ATG9A: variants seen among roughly 807,000 people sequenced by gnomAD.
ATG9A encodes the protein autophagy related 9A.
In ATG9A, 21 loss-of-function variants were observed where a neutral mutation model predicts 87.1. The ratio of observed to expected loss-of-function variants is 0.24; its 90% CI spans 0.17 to 0.35. The LOEUF is 0.35. Ranked by LOEUF, ATG9A falls within the 10% of genes least tolerant of loss-of-function variation. ATG9A has a pLI of 1.00. For missense variants in ATG9A, 836 were observed against 1,107.3 expected (o/e 0.76, Z 3.48); for synonymous variants, 422 against 441.3 (o/e 0.96, Z 0.55).
chr2:219,225,324 T>A, intron 6 of ATG9A, 87 bp downstream of exon 6: 1 of 1,593,218 alleles, frequency 6.3e-7, no homozygotes, highest in Non-Finnish European at 8.6e-7. Context: ...AGTTCTGGAG[T>A]ATGAGTTGCT....
Position 219,226,934 on chromosome 2 carries a change from G to C in ATG9A, c.148-1C>G. ...CATTCTTCTGGTGCAGATTATAAACGTGTAATTGTTAAGAAAAAGTAGTCA... is the reference window on the plus strand; with the variant it reads ...CATTCTTCTGGTGCAGATTATAAACCTGTAATTGTTAAGAAAAAGTAGTCA... On this transcript the variant is annotated splice_acceptor_variant, in intron 4 of 15. Transcript: ENST00000361242. LOFTEE classifies it high-confidence loss of function. 1 of 1,612,686 alleles carries C rather than the reference G, an allele frequency of 6.2e-7. No homozygotes were observed. The highest frequency in any genetic ancestry group is 8.5e-7 in the Non-Finnish European group (1 of 1,178,692).
chr2:219,227,531 C>G (rs188053269), intron 4 of ATG9A, among the ~76,000 whole-genome samples: 113 of 151,988 alleles, frequency 7.4e-4, no homozygotes, highest in African/African-American at 2.7e-3. Context: ...AAAAAGGAGG[C>G]TCACCCTTAG....
At chr2:219,221,375 ATCAG>A in intron 13 of ATG9A, 73 bp from the exon 14 acceptor site, 1 of 1,387,576 alleles carries the variant, frequency 7.2e-7, no homozygotes, top group Non-Finnish European at 9.6e-7. Flanking sequence ...CCAACCTGGT[ATCAG>A]TCAGTTCCCG....
In ATG9A at chr2:219,229,439, C is replaced by A. The variant is rs1220675881; in HGVS notation, c.-82+96G>T. The stretch of plus-strand genomic sequence containing the variant: ...GCCCCGCCGGCGGCGCCCCTTCCTC[C>A]GTTACCCGCCGCGAGCTCACTTAGG... On this transcript the variant is annotated intron_variant, in intron 1 of 15. Coordinates refer to ENST00000361242, the MANE Select transcript of ATG9A (RefSeq NM_001077198.3). The surrounding 1 kb of genome is among the most constrained non-coding windows in gnomAD (Gnocchi z 4.2). 1.3e-5 allele frequency: 2 copies of A among 152,478 alleles called. No homozygotes were observed. The highest frequency in any genetic ancestry group is 2.4e-5 in the African/African-American group (1 of 41,402). The allele number at this position is 152,478 out of a possible 1,614,324, so 9.4% of individuals were successfully genotyped here. A position where few individuals can be genotyped will look rare whatever the true frequency, so the allele number is the denominator to read the frequency against.
In ATG9A at chr2:219,222,632, A is replaced by C. The variant is rs72955435; in HGVS notation, c.1848+13T>G. The C allele has an allele frequency of 0.093, 149,466 of 1,612,504 alleles. 8,045 individuals are homozygous for C. The highest frequency in any genetic ancestry group is 0.18 in the South Asian group (16,689 of 91,006). On this transcript the variant is annotated intron_variant, in intron 11 of 15. Coordinates refer to ENST00000361242, the MANE Select transcript of ATG9A (RefSeq NM_001077198.3). This position sits in a 1 kb window ranked among gnomAD's most constrained non-coding sequence, Gnocchi z 4.3. ...CCACTCTGCCCATCATCTCCCAGTC[A>C]CCAGGAACACACCTCAGACTCAGAT...
At position 219,220,388 on chromosome 2, in the gene ATG9A, G is replaced by A. The variant is rs984544896; in HGVS notation, c.*59C>T. On this transcript the variant is annotated 3_prime_UTR_variant, in exon 16 of 16. Coordinates refer to ENST00000361242, the MANE Select transcript of ATG9A (RefSeq NM_001077198.3). ...AGGAGCCGTCCCATGGCAGGCAGAC[G>A]GGATGGCAGGGCAGCGGTGGCCTCC... The A allele has an allele frequency of 1.5e-5, 24 of 1,599,150 alleles. No homozygotes were observed. The highest frequency in any genetic ancestry group is 1.8e-5 in the Non-Finnish European group (21 of 1,167,946).
At chr2:219,228,110 T>A in intron 2 of ATG9A, 57 bp from the exon 3 acceptor site, 28 of 1,220,570 alleles carry the variant, frequency 2.3e-5, no homozygotes, top group Non-Finnish European at 3.2e-5. Flanking sequence ...GCCCATGGGC[T>A]GCCCTGCCTA....
rs368184223 is a variant in ATG9A, at chr2:219,225,152, G to A, written c.435C>T (p.His145=). The A allele has an allele frequency of 3.8e-5, 61 of 1,614,066 alleles. No homozygotes were observed. Among genetic ancestry groups the A allele is most frequent in the Non-Finnish European group, 4.7e-5 (56 of 1,180,032 alleles). Residue 145 remains histidine, a synonymous_variant, in exon 7 of 16, where the codon CAC becomes CAT. Transcript: ENST00000361242. ...ILVIAGVFWI[H]RLIKFIYNIC... ...TGTTATAGATGAACTTGATAAGCCG[G>A]TGGATCCAGAAGACACCAGCAATGA...
chr2:219,223,520 T>C lies in ATG9A; in HGVS notation c.1599+65A>G. ...CTCAGGAGAGGTGTCTTTTTGCGGT[T>C]TTCCCAAAGACACTGTATGTTCCAG... On this transcript the variant is annotated intron_variant, in intron 10 of 15. Transcript: ENST00000361242. The surrounding 1 kb of genome is among the most constrained non-coding windows in gnomAD (Gnocchi z 4.7). The C allele has an allele frequency of 6.6e-7, 1 of 1,508,354 alleles. No homozygotes were observed. The highest frequency in any genetic ancestry group is 8.9e-7 in the Non-Finnish European group (1 of 1,125,048). 93.4% of individuals were successfully genotyped at this position (1,508,354 alleles called of 1,614,324 possible). A position where few individuals can be genotyped will look rare whatever the true frequency, so the allele number is the denominator to read the frequency against.
In ATG9A at chr2:219,223,007, C is replaced by T. The variant is rs1288710332; in HGVS notation, c.1600-114G>A. 5.1e-6 allele frequency: 7 copies of T among 1,373,484 alleles called. No homozygotes were observed. In the East Asian group the frequency reaches 1.7e-4, roughly 34 times the overall value. The allele number at this position is 1,373,484 out of a possible 1,614,324, so 85.1% of individuals were successfully genotyped here. On this transcript the variant is annotated intron_variant, in intron 10 of 15. Coordinates refer to ENST00000361242, the MANE Select transcript of ATG9A (RefSeq NM_001077198.3). The surrounding 1 kb of genome is among the most constrained non-coding windows in gnomAD (Gnocchi z 4.7). ...GAGAACGGAGACCACAGTATACTGTCAATCTTTCCCAGGGCACTGGTGCCC... is the reference window on the plus strand; with the variant it reads ...GAGAACGGAGACCACAGTATACTGTTAATCTTTCCCAGGGCACTGGTGCCC...
rs200215453 is a variant in ATG9A, at chr2:219,222,009, G to A, written c.2145+41C>T. On this transcript the variant is annotated intron_variant, in intron 13 of 15. Transcript: ENST00000361242. The surrounding 1 kb of genome is among the most constrained non-coding windows in gnomAD (Gnocchi z 4.3). Reference sequence around the variant, plus strand: ...TTTGGAACCCCGGTCTTGCTTCTCCGCATCTAAACCCTCTACTCTCTTTTT... The same window carrying A: ...TTTGGAACCCCGGTCTTGCTTCTCCACATCTAAACCCTCTACTCTCTTTTT... The A allele has an allele frequency of 9.6e-6, 15 of 1,562,514 alleles. No individual in the cohort carries two copies. The highest frequency in any genetic ancestry group is 5.3e-5 in the Admixed American group (3 of 56,718).
intron 4 of ATG9A, 46 bp from the exon 5 acceptor site, chr2:219,226,979 G>A: frequency 6.6e-7 from 1 of 1,518,488 alleles, no homozygotes; most frequent in South Asian, 1.1e-5. Flanking sequence ...GCAGGTAAGA[G>A]CACAGACTTT....
Position 219,227,782 on chromosome 2 carries a change from G to A in ATG9A, c.135C>T (p.Leu45=). 6.2e-7 allele frequency: 1 copy of A among 1,614,116 alleles called. No individual in the cohort carries two copies. The highest frequency in any genetic ancestry group is 8.5e-7 in the Non-Finnish European group (1 of 1,180,000). ...ACACAAAGGATATTCGAGAGAAGAA[G>A]AGGTCAAGGTTTTCAATATGGTGCC... ...SPWHHIENLD[L]FFSRVYNLHQ... is the part of the protein sequence containing the mutation. The change falls in exon 4 of 16, where the codon CTC becomes CTT. Residue 45 remains leucine (L), a synonymous_variant. Transcript: ENST00000361242.
At position 219,220,569 on chromosome 2, in the gene ATG9A, G is replaced by A. The variant is rs1012019288; in HGVS notation, c.2515-117C>T. On this transcript the variant is annotated intron_variant, in intron 15 of 15. Coordinates refer to ENST00000361242, the MANE Select transcript of ATG9A (RefSeq NM_001077198.3). ...AAAGGTTGATTCCTGGGGAGGTAAG[G>A]TAAGGAAAAACCAAGCCCTGCAGAG... 5 of 1,536,774 alleles carry A rather than the reference G, an allele frequency of 3.3e-6. No homozygotes were observed. In the African/African-American group the frequency reaches 5.5e-5, roughly 17 times the overall value.
At chr2:219,226,970 C>G in intron 4 of ATG9A, 37 bp from the exon 5 acceptor site, 1 of 1,548,502 alleles carries the variant, frequency 6.5e-7, no homozygotes, top group East Asian at 2.2e-5. Context: ...GTAAAGAAAG[C>G]AGGTAAGAGC....
At position 219,220,295 on chromosome 2, in the gene ATG9A, T is replaced by C. The variant is rs1484115135; in HGVS notation, c.*152A>G. The C allele has an allele frequency of 9.7e-7, 1 of 1,028,918 alleles. No homozygotes were observed. The highest frequency in any genetic ancestry group is 1.6e-5 in the African/African-American group (1 of 62,606). 63.7% of individuals were successfully genotyped at this position (1,028,918 alleles called of 1,614,324 possible). ...TCTCCTGGGGCTGTGGCAAGCCCAG[T>C]GTTGGCACCTCCCTTGGCCAGGCAC... is the stretch of plus-strand genomic sequence containing the variant. On this transcript the variant is annotated 3_prime_UTR_variant, in exon 16 of 16. Transcript: ENST00000361242.
At position 219,223,801 on chromosome 2, in the gene ATG9A, G is replaced by C; in HGVS notation, c.1420-37C>G. The C allele has an allele frequency of 6.2e-7, 1 of 1,613,854 alleles. No individual in the cohort carries two copies. The highest frequency in any genetic ancestry group is 8.5e-7 in the Non-Finnish European group (1 of 1,179,956). ...GGACCAAGGTCACAAGCGAGCAGGA[G>C]GGAGCCCAGCCCTCACCACCGAGCT... On this transcript the variant is annotated intron_variant, in intron 9 of 15. Coordinates refer to ENST00000361242, the MANE Select transcript of ATG9A (RefSeq NM_001077198.3). This position sits in a 1 kb window ranked among gnomAD's most constrained non-coding sequence, Gnocchi z 4.7.
chr2:219,224,948 T>C lies in ATG9A; in HGVS notation c.517-94A>G. On this transcript the variant is annotated intron_variant, in intron 7 of 15. Coordinates refer to ENST00000361242, the MANE Select transcript of ATG9A (RefSeq NM_001077198.3). The surrounding 1 kb of genome is among the most constrained non-coding windows in gnomAD (Gnocchi z 7.7). ...TATTAGAAGTGAGATTCAGGGGTTG[T>C]GAGCTTAAGAGACAGTTCCTGATTT... 6.3e-7 allele frequency: 1 copy of C among 1,576,934 alleles called. No individual in the cohort carries two copies. The highest frequency in any genetic ancestry group is 8.7e-7 in the Non-Finnish European group (1 of 1,155,064).
At position 219,222,415 on chromosome 2, in the gene ATG9A, T is replaced by G. The variant is rs1378290003; in HGVS notation, c.1884A>C (p.Ser628=). ...LSLIANVVAG[S]SCRGPPLPRD... is the part of the protein sequence containing the mutation. ...TGGGCAGTGGAGGGCCCCGGCAGGATGAGCCAGCTACCACATTTGCGATAA... is the reference window on the plus strand; with the variant it reads ...TGGGCAGTGGAGGGCCCCGGCAGGAGGAGCCAGCTACCACATTTGCGATAA... Residue 628 remains serine (S), a synonymous_variant, in exon 12 of 16, where the codon TCA becomes TCC. Coordinates refer to ENST00000361242, the MANE Select transcript of ATG9A (RefSeq NM_001077198.3). The surrounding 1 kb of genome is among the most constrained non-coding windows in gnomAD (Gnocchi z 4.3). The G allele has an allele frequency of 1.3e-6, 2 of 1,580,636 alleles. No homozygotes were observed.
Sources: gnomAD v4.1 joint callset for allele counts (sites outside exome capture counted in the v4.1 genomes callset) on GRCh38, gnomAD v4.1.1 for gene constraint, Gnocchi (gnomAD v3.1) non-coding constraint, MANE v1.5 for transcripts, NCBI Gene and HGNC (gene_info 2026-07-23, HGNC 2026-07-21) for gene names.